The following MBLAC2 variants were observed in gnomAD, a reference collection of about 807,000 sequenced individuals.
The protein encoded by MBLAC2 is metallo-beta-lactamase domain containing 2, also known as acyl-coenzyme A thioesterase MBLAC2.
In MBLAC2, 24 loss-of-function variants were observed where a neutral mutation model predicts 23.3. That is an observed-to-expected ratio of 1.03 (90% CI 0.75 to 1.45). MBLAC2 has a LOEUF of 1.45. Among genes scored for constraint, MBLAC2 ranks in the 40% most tolerant of loss-of-function variants. The pLI is 0.00. For missense variants in MBLAC2, 358 were observed against 370.0 expected (o/e 0.97, Z 0.27); for synonymous variants, 162 against 150.9 (o/e 1.07, Z -0.54).
chr5:90,462,570 T>C (rs1157036726), intron 1 of MBLAC2, among the ~76,000 whole-genome samples: 1 of 152,120 alleles, frequency 6.6e-6, no homozygotes, highest in Non-Finnish European at 1.5e-5. Context: ...ATATTACTGT[T>C]AAGAGAACTA....
intron 1 of MBLAC2, chr5:90,473,349 A>C: frequency 3.2e-6 from 1 of 314,822 alleles, no homozygotes; most frequent in Non-Finnish European, 5.9e-6. Context: ...CTCTAAGGCT[A>C]CAGGTGGGAA....
chr5:90,469,361 G>C (rs1312545566), intron 1 of MBLAC2, among the ~76,000 whole-genome samples: 4 of 151,860 alleles, frequency 2.6e-5, no homozygotes, highest in African/African-American at 9.7e-5. Flanking sequence ...ACTTATTTTA[G>C]TCTTTTTCTC....
At chr5:90,473,435 G>C in intron 1 of MBLAC2, 1 of 530,770 alleles carries the variant, frequency 1.9e-6, no homozygotes, top group South Asian at 2.4e-5. Context: ...TGCACTCTCC[G>C]TGAGGGGTCA....
At chr5:90,465,372 T>C (rs76264574) in intron 1 of MBLAC2, among the ~76,000 whole-genome samples, 4 of 152,086 alleles carry the variant, frequency 2.6e-5, no homozygotes, top group Admixed American at 2.0e-4. Context: ...AAAGGAGAGA[T>C]AGGCTATGCT....
intron 1 of MBLAC2, among the ~76,000 whole-genome samples, chr5:90,464,392 G>A (rs1750417568): frequency 6.6e-6 from 1 of 152,060 alleles, no homozygotes; most frequent in Admixed American, 6.6e-5. Flanking sequence ...GCAAAATAGT[G>A]AGACCTCCAT....
intron 1 of MBLAC2, among the ~76,000 whole-genome samples, chr5:90,471,101 C>T (rs1750540977): frequency 6.6e-6 from 1 of 152,204 alleles, no homozygotes; most frequent in Non-Finnish European, 1.5e-5. Flanking sequence ...TTAGTCACCA[C>T]ATCTACTTTC....
chr5:90,466,058 C>T (rs751205131), intron 1 of MBLAC2, among the ~76,000 whole-genome samples: 4 of 152,090 alleles, frequency 2.6e-5, no homozygotes, highest in Non-Finnish European at 2.9e-5. Flanking sequence ...AGTAAGAAGA[C>T]GTATACTAAT....
At chr5:90,473,584 G>A (rs937308080) in intron 1 of MBLAC2, 19 of 657,662 alleles carry the variant, frequency 2.9e-5, no homozygotes, top group Non-Finnish European at 4.9e-5. Context: ...GCTAGGGAGG[G>A]GGTGGTGCCG....
At chr5:90,467,297 T>G (rs1050291535) in intron 1 of MBLAC2, among the ~76,000 whole-genome samples, 1 of 152,216 alleles carries the variant, frequency 6.6e-6, no homozygotes, top group Non-Finnish European at 1.5e-5. Flanking sequence ...AGTCCCCCAG[T>G]ATTATTGTGT....
chr5:90,471,438 GT>G (rs560996955), intron 1 of MBLAC2, among the ~76,000 whole-genome samples: 7,830 of 152,256 alleles, frequency 0.051, 426 homozygotes, highest in African/African-American at 0.12. Flanking sequence ...TCAATTTAAG[GT>G]CTGCTGCTAT....
chr5:90,474,190 C>G lies in MBLAC2; in HGVS notation c.103G>C (p.Val35Leu). The change falls in exon 1 of 2, where the codon GTG becomes CTG. Residue 35 changes from valine (V) to leucine (L), a missense_variant. Coordinates refer to ENST00000316610, the MANE Select transcript of MBLAC2 (RefSeq NM_203406.2). ...ESGNRANIWL[V>L]RGSEQDVVID... ...ACCACGTCCTGCTCGGAGCCGCGCA[C>G]CAGCCAGATGTTGGCACGGTTGCCC... The G allele has an allele frequency of 6.2e-7, 1 of 1,610,010 alleles. No homozygotes were observed. Among genetic ancestry groups the G allele is most frequent in the South Asian group, 1.1e-5 (1 of 90,262 alleles).
chr5:90,462,714 ACAT>A (rs1391725754), intron 1 of MBLAC2, among the ~76,000 whole-genome samples: 1 of 152,226 alleles, frequency 6.6e-6, no homozygotes, highest in Non-Finnish European at 1.5e-5. Context: ...TGCACATAAA[ACAT>A]CACCAAAAAT....
chr5:90,473,604 G>A (rs746513128), intron 1 of MBLAC2: 5 of 667,790 alleles, frequency 7.5e-6, no homozygotes, highest in African/African-American at 3.6e-5. Flanking sequence ...GGCTTTCAAA[G>A]GAGTACTCAG....
chr5:90,472,603 TTTCA>T (rs1302130036), intron 1 of MBLAC2: 1 of 152,246 alleles, frequency 6.6e-6, no homozygotes, highest in Non-Finnish European at 1.5e-5. Flanking sequence ...TTGTAAAATA[TTTCA>T]TTATTTGCCA....
At chr5:90,473,071 T>C (rs1441754525) in intron 1 of MBLAC2, 4 of 152,254 alleles carry the variant, frequency 2.6e-5, no homozygotes, top group Non-Finnish European at 5.9e-5. Context: ...CTGAATTCCA[T>C]ACTTGTCTTT....
chr5:90,473,870 C>T lies in MBLAC2; in HGVS notation c.423G>A (p.Gln141=), dbSNP rs1217145368. ...GCAGGATGAGGGTGGGCTGCACCGCCTGTACCCGGAACTGTCTGGCCCTCC... is the reference window on the plus strand; with the variant it reads ...GCAGGATGAGGGTGGGCTGCACCGCTTGTACCCGGAACTGTCTGGCCCTCC... ...PGWRARQFRV[Q]AVQPTLILQD... The change falls in exon 1 of 2, where the codon CAG becomes CAA. Residue 141 remains glutamine (Q), a synonymous_variant. Transcript: ENST00000316610. The T allele has an allele frequency of 6.3e-7, 1 of 1,598,766 alleles. No homozygotes were observed.
At chr5:90,470,762 A>ACG (rs1333734488) in intron 1 of MBLAC2, among the ~76,000 whole-genome samples, 2 of 143,990 alleles carry the variant, frequency 1.4e-5, no homozygotes, top group Non-Finnish European at 1.5e-5. Flanking sequence ...GCGCGCACAC[A>ACG]CACACACACA....
rs533290236 is a variant in MBLAC2 at position 90,468,888 on chromosome 5, A to G, written c.454+4951T>C. ...AAAATTCTTTGAACTGAACACTAATAGTGACACACAACCTATCAAAACCTC... is the reference window on the plus strand; with the variant it reads ...AAAATTCTTTGAACTGAACACTAATGGTGACACACAACCTATCAAAACCTC... On this transcript the variant is annotated intron_variant, in intron 1 of 1. Coordinates refer to ENST00000316610, the MANE Select transcript of MBLAC2 (RefSeq NM_203406.2). 9.2e-5 allele frequency among the ~76,000 whole-genome samples: 14 copies of G among 152,314 alleles called. No individual in the cohort carries two copies. The South Asian group carries it at 2.9e-3, about 32-fold the overall frequency.
At chr5:90,470,978 C>T (rs192799395) in intron 1 of MBLAC2, among the ~76,000 whole-genome samples, 3 of 152,256 alleles carry the variant, frequency 2.0e-5, no homozygotes, top group East Asian at 1.9e-4. Flanking sequence ...TTCCCTTTGC[C>T]GCCACTGAGG....
Sources: allele counts gnomAD v4.1 joint callset (sites outside exome capture counted in the v4.1 genomes callset), GRCh38; gene constraint gnomAD v4.1.1; transcripts MANE v1.5; gene names NCBI Gene and HGNC (gene_info 2026-07-23, HGNC 2026-07-21).